XKRX: variants seen among roughly 807,000 people sequenced by gnomAD.
The protein encoded by XKRX is XK-related protein 2.
A neutral mutation model predicts 22.4 loss-of-function variants in XKRX; 11 were observed. That is an observed-to-expected ratio of 0.49 (90% CI 0.31 to 0.81). XKRX has a LOEUF of 0.81. Ranked by LOEUF, XKRX falls within the 40% of genes least tolerant of loss-of-function variation. The pLI is 0.05. For synonymous variants in XKRX, 114 were observed against 132.2 expected (o/e 0.86, Z 0.94); for missense variants, 320 against 336.5 (o/e 0.95, Z 0.38).
chrX:100,947,841 G>A, the XKRX span, among the ~76,000 whole-genome samples: 1 of 111,738 alleles, frequency 8.9e-6, no homozygotes, highest in African/African-American at 3.3e-5. Flanking sequence ...TAAGAAAGTT[G>A]CAGCATTACA....
the XKRX span, among the ~76,000 whole-genome samples, chrX:100,936,410 G>A: frequency 5.4e-3 from 574 of 106,717 alleles, 3 homozygotes; most frequent in African/African-American, 0.017. Context: ...GCATGGTGGC[G>A]TGCACCTGTG....
At chrX:100,893,759 C>T in the XKRX span, among the ~76,000 whole-genome samples, 3 of 111,659 alleles carry the variant, frequency 2.7e-5, no homozygotes, top group African/African-American at 9.8e-5. Context: ...GGAAGCTAAA[C>T]AAATGGCACA....
the XKRX span, among the ~76,000 whole-genome samples, chrX:100,892,357 G>A: frequency 3.6e-5 from 4 of 111,280 alleles, no homozygotes; most frequent in African/African-American, 9.8e-5. Flanking sequence ...TGAGGGGATG[G>A]ATACCCCATT....
At chrX:100,890,059 C>T in the XKRX span, among the ~76,000 whole-genome samples, 1 of 111,610 alleles carries the variant, frequency 9.0e-6, no homozygotes, top group Non-Finnish European at 1.9e-5. Context: ...ATTTAAACCA[C>T]TCAATTTGTG....
chrX:100,946,543 A>G, the XKRX span, among the ~76,000 whole-genome samples: 1 of 112,014 alleles, frequency 8.9e-6, no homozygotes, highest in East Asian at 2.8e-4. Context: ...GGCAGGGTGT[A>G]GGAAAACCAG....
At chrX:100,917,678 G>GA (rs1455647510) in intron 2 of XKRX, among the ~76,000 whole-genome samples, 70 of 69,595 alleles carry the variant, frequency 1.0e-3, no homozygotes, top group African/African-American at 3.1e-3. Context: ...AGAAAGAAAA[G>GA]AAAGAAAGAA....
the XKRX span, among the ~76,000 whole-genome samples, chrX:100,906,308 T>C: frequency 0.062 from 6,951 of 111,507 alleles, 479 homozygotes; most frequent in African/African-American, 0.19. Context: ...ATGTTGTACA[T>C]TCTATGGGTT....
At position 100,914,857 on chromosome X, in the gene XKRX, G is replaced by A; in HGVS notation, c.831C>T (p.Phe277=). 8.3e-7 allele frequency: 1 copy of A among 1,211,892 alleles called. No individual in the cohort carries two copies. Among genetic ancestry groups the A allele is most frequent in the Middle Eastern group, 2.3e-4 (1 of 4,353 alleles). The change falls in exon 3 of 3, where the codon TTC becomes TTT. Residue 277 remains phenylalanine (F), a synonymous_variant. Coordinates refer to ENST00000372956, the MANE Select transcript of XKRX (RefSeq NM_212559.3). ...TCCAGGGCTCAAAGAGGATGATCAGGAAGTTGAGCACTAGGAAGGGCACAG... is the reference window on the plus strand; with the variant it reads ...TCCAGGGCTCAAAGAGGATGATCAGAAAGTTGAGCACTAGGAAGGGCACAG... ...LKAVPFLVLN[F]LIILFEPWIK...
At chrX:100,932,556 T>A (rs1290528000), upstream of XKRX, among the ~76,000 whole-genome samples, 1 of 112,332 alleles carries the variant, frequency 8.9e-6, no homozygotes, top group Admixed American at 9.4e-5. Flanking sequence ...CTAAAAGCCA[T>A]GTGGTCTAAA....
the XKRX span, among the ~76,000 whole-genome samples, chrX:100,900,831 CT>C: frequency 3.0e-5 from 3 of 101,343 alleles, no homozygotes; most frequent in African/African-American, 1.1e-4. Flanking sequence ...GTTCTGTCGC[CT>C]AGGCTGGAGT....
chrX:100,957,367 C>G, the XKRX span: 1 of 1,202,004 alleles, frequency 8.3e-7, no homozygotes, highest in Non-Finnish European at 1.1e-6. Context: ...CACCTCTGGC[C>G]TGAAAAACGC....
the XKRX span, among the ~76,000 whole-genome samples, chrX:100,900,397 T>A: frequency 1.8e-5 from 2 of 110,945 alleles, no homozygotes; most frequent in Non-Finnish European, 3.8e-5. Context: ...ACCTTTCCTC[T>A]CCAAGCTACC....
chrX:100,915,752 T>G (rs2085432298), intron 2 of XKRX, among the ~76,000 whole-genome samples: 1 of 108,585 alleles, frequency 9.2e-6, no homozygotes, highest in East Asian at 2.9e-4. Context: ...ACCATAAAAT[T>G]ACAGAAACTC....
chrX:100,888,156 C>T, the XKRX span: 4 of 1,162,942 alleles, frequency 3.4e-6, no homozygotes, highest in Non-Finnish European at 4.6e-6. Flanking sequence ...AAAGGCAAAG[C>T]CCCTTTTCTT....
In XKRX at chrX:100,914,208, T is replaced by A. The variant is rs2085419386; in HGVS notation, c.*130A>T. Reference sequence around the variant, plus strand: ...CCTATTTGGGAGTTGCTCTTTCTTCTGATAGGCTTAACAGAAAAGTCAAGA... The same window carrying A: ...CCTATTTGGGAGTTGCTCTTTCTTCAGATAGGCTTAACAGAAAAGTCAAGA... On this transcript the variant is annotated 3_prime_UTR_variant, in exon 3 of 3. Coordinates refer to ENST00000372956, the MANE Select transcript of XKRX (RefSeq NM_212559.3). 2.5e-6 allele frequency: 2 copies of A among 814,987 alleles called. No homozygotes were observed. The highest frequency in any genetic ancestry group is 3.5e-6 in the Non-Finnish European group (2 of 570,819). The allele number at this position is 814,987 out of a possible 1,213,427, so 67.2% of individuals were successfully genotyped here.
At chrX:100,916,980 G>A (rs1206972975) in intron 2 of XKRX, among the ~76,000 whole-genome samples, 5 of 111,887 alleles carry the variant, frequency 4.5e-5, no homozygotes, top group Non-Finnish European at 7.5e-5. Flanking sequence ...TTAGTCAGGC[G>A]TGGTGGCGTG....
chrX:100,917,838 A>G (rs1274690034), intron 2 of XKRX, among the ~76,000 whole-genome samples: 1 of 106,963 alleles, frequency 9.3e-6, no homozygotes. Flanking sequence ...AGCAATGTCA[A>G]TTCATTACCC....
the XKRX span, among the ~76,000 whole-genome samples, chrX:100,947,415 A>T: frequency 1.8e-5 from 2 of 112,494 alleles, no homozygotes; most frequent in Admixed American, 1.9e-4. Context: ...TATACATATC[A>T]TCACGCTAAT....
the XKRX span, among the ~76,000 whole-genome samples, chrX:100,955,028 G>T: frequency 8.9e-6 from 1 of 111,818 alleles, no homozygotes; most frequent in Non-Finnish European, 1.9e-5. Context: ...AAAAAACGAT[G>T]AACTGCACAT....
Sources: allele counts gnomAD v4.1 joint callset (sites outside exome capture counted in the v4.1 genomes callset), GRCh38; gene constraint gnomAD v4.1.1; transcripts MANE v1.5; gene names NCBI Gene and HGNC (gene_info 2026-07-23, HGNC 2026-07-21).